Variants in CAMK2D observed in about 807,000 individuals in gnomAD.
The protein encoded by CAMK2D is calcium/calmodulin dependent protein kinase II delta, also known as calcium/calmodulin-dependent protein kinase type II subunit delta.
Under a neutral mutation model 84.0 loss-of-function variants are expected in CAMK2D, and 37 were observed. The observed-to-expected ratio is 0.44, with a 90% CI of 0.34 to 0.58. The LOEUF (loss-of-function observed/expected upper bound fraction) is 0.58, where lower values mean the gene tolerates loss of function less well. CAMK2D is among the 20% of genes least tolerant of loss of function. The pLI is 0.02. For missense variants in CAMK2D, 448 were observed against 652.5 expected (o/e 0.69, Z 3.41); for synonymous variants, 202 against 212.5 (o/e 0.95, Z 0.43).
intron 2 of CAMK2D, among the ~76,000 whole-genome samples, chr4:113,725,960 TTGAATACTA>T (rs2099544559): frequency 6.6e-6 from 1 of 152,210 alleles, no homozygotes; most frequent in African/African-American, 2.4e-5. Context: ...TGCAAGATGT[TTGAATACTA>T]TGGTCAACAA....
At chr4:113,689,240 A>G (rs1261198997) in intron 2 of CAMK2D, among the ~76,000 whole-genome samples, 2 of 150,914 alleles carry the variant, frequency 1.3e-5, no homozygotes, top group Non-Finnish European at 3.0e-5. Flanking sequence ...GCGAGACTCC[A>G]TCTCAAAAAA....
At chr4:113,535,599 C>T (rs1034885043) in intron 7 of CAMK2D, among the ~76,000 whole-genome samples, 1 of 152,196 alleles carries the variant, frequency 6.6e-6, no homozygotes, top group Non-Finnish European at 1.5e-5. Flanking sequence ...CTACTACTCA[C>T]TCGAGTATAC....
At chr4:113,656,138 T>C (rs1326874089) in intron 3 of CAMK2D, among the ~76,000 whole-genome samples, 1 of 152,150 alleles carries the variant, frequency 6.6e-6, no homozygotes, top group Non-Finnish European at 1.5e-5. Context: ...AACAGAATGA[T>C]CAAACATTAA....
intron 2 of CAMK2D, among the ~76,000 whole-genome samples, chr4:113,745,927 G>A (rs964394562): frequency 1.2e-4 from 19 of 152,238 alleles, no homozygotes; most frequent in Admixed American, 1.2e-3. Context: ...CATGCCACAC[G>A]GGGATGGCAG....
chr4:113,596,611 A>G (rs1336624913), intron 4 of CAMK2D, among the ~76,000 whole-genome samples: 1 of 152,220 alleles, frequency 6.6e-6, no homozygotes, highest in African/African-American at 2.4e-5. Context: ...CATCTCCGTC[A>G]GAGCTCTTGG....
intron 4 of CAMK2D, among the ~76,000 whole-genome samples, chr4:113,566,734 G>A (rs930121526): frequency 1.3e-5 from 2 of 152,110 alleles, no homozygotes; most frequent in Non-Finnish European, 2.9e-5. Flanking sequence ...CACACTGAGT[G>A]GAATATCTAC....
rs1321474162 is a variant in CAMK2D, at chr4:113,491,739, T to C, written c.1135+8724A>G. Among the ~76,000 whole-genome samples the C allele has an allele frequency of 2.0e-5, 3 of 152,186 alleles. No individual in the cohort carries two copies. The East Asian group carries it at 5.8e-4, about 29-fold the overall frequency. On this transcript the variant is annotated intron_variant, in intron 16 of 20. Coordinates refer to ENST00000511664, the MANE Select transcript of CAMK2D (RefSeq NM_001321571.2). ...TGGTACCAGTTCCTCCTCGTACCTCTGGTAGAATTCGGCTGTGAATCCATC... is the reference window on the plus strand; with the variant it reads ...TGGTACCAGTTCCTCCTCGTACCTCCGGTAGAATTCGGCTGTGAATCCATC...
chr4:113,655,043 T>G (rs1324197528), intron 3 of CAMK2D, among the ~76,000 whole-genome samples: 1 of 152,044 alleles, frequency 6.6e-6, no homozygotes, highest in East Asian at 1.9e-4. Context: ...CAACTGTTTA[T>G]TTAAATTAAT....
At chr4:113,477,521 G>T (rs1022381996) in intron 16 of CAMK2D, among the ~76,000 whole-genome samples, 1 of 151,724 alleles carries the variant, frequency 6.6e-6, no homozygotes, top group African/African-American at 2.4e-5. Context: ...TGAGGTGAAT[G>T]GATCACTTGA....
intron 5 of CAMK2D, among the ~76,000 whole-genome samples, chr4:113,548,435 G>A (rs1409098487): frequency 2.0e-5 from 3 of 152,104 alleles, no homozygotes; most frequent in African/African-American, 7.2e-5. Context: ...AAACTTAGCA[G>A]GTTGTATTCT....
chr4:113,727,626 G>T (rs1562080546), intron 2 of CAMK2D, among the ~76,000 whole-genome samples: 1 of 152,076 alleles, frequency 6.6e-6, no homozygotes, highest in African/African-American at 2.4e-5. Flanking sequence ...GATTACTTAA[G>T]AAAGAGAAAG....
chr4:113,694,411 C>T (rs1270427093), intron 2 of CAMK2D, among the ~76,000 whole-genome samples: 3 of 152,118 alleles, frequency 2.0e-5, no homozygotes, highest in Admixed American at 6.6e-5. Context: ...AAAAAGGCAT[C>T]GTGCACATCA....
intron 2 of CAMK2D, among the ~76,000 whole-genome samples, chr4:113,714,669 A>G (rs2099508124): frequency 6.6e-6 from 1 of 152,162 alleles, no homozygotes; most frequent in Non-Finnish European, 1.5e-5. Flanking sequence ...AGACCTTCTT[A>G]AACTAACCCC....
chr4:113,603,691 AATAT>A (rs1446502011), intron 4 of CAMK2D, among the ~76,000 whole-genome samples: 5 of 146,758 alleles, frequency 3.4e-5, no homozygotes, highest in Non-Finnish European at 6.0e-5. Context: ...AATAGCAAGA[AATAT>A]ATATATTTCT....
chr4:113,498,557 A>G (rs954439402), intron 16 of CAMK2D, among the ~76,000 whole-genome samples: 11 of 152,312 alleles, frequency 7.2e-5, no homozygotes, highest in African/African-American at 2.6e-4. Context: ...ACTTTGGGTT[A>G]AACGATCAAC....
chr4:113,506,034 G>A (rs1343516824), intron 13 of CAMK2D, among the ~76,000 whole-genome samples: 1 of 151,782 alleles, frequency 6.6e-6, no homozygotes, highest in East Asian at 1.9e-4. Context: ...TATTATCTAG[G>A]TATTTTATTT....
intron 3 of CAMK2D, among the ~76,000 whole-genome samples, chr4:113,623,269 TAGTAA>T (rs2154278841): frequency 6.6e-6 from 1 of 152,240 alleles, no homozygotes; most frequent in South Asian, 2.1e-4. Context: ...GTTCTCTCAT[TAGTAA>T]AGTATTCTGT....
chr4:113,536,566 G>A (rs2098492592), intron 7 of CAMK2D, among the ~76,000 whole-genome samples: 1 of 152,176 alleles, frequency 6.6e-6, no homozygotes, highest in Admixed American at 6.5e-5. Flanking sequence ...AAAGTCAGAA[G>A]ACAAGACAGG....
intron 17 of CAMK2D, among the ~76,000 whole-genome samples, chr4:113,462,663 T>C (rs1276124745): frequency 1.3e-5 from 2 of 152,106 alleles, no homozygotes; most frequent in Non-Finnish European, 2.9e-5. Context: ...ACTGAGAATA[T>C]AGGAAACATA....
Sources: allele counts gnomAD v4.1 joint callset (sites outside exome capture counted in the v4.1 genomes callset), GRCh38; gene constraint gnomAD v4.1.1; transcripts MANE v1.5; gene names NCBI Gene and HGNC (gene_info 2026-07-23, HGNC 2026-07-21).